CACNG3: variants seen among roughly 807,000 people sequenced by gnomAD.
The protein encoded by CACNG3 is calcium voltage-gated channel auxiliary subunit gamma 3.
A neutral mutation model predicts 28.5 loss-of-function variants in CACNG3; 3 were observed. The observed-to-expected ratio is 0.11, with a 90% CI of 0.05 to 0.27. The LOEUF is 0.27. Among genes scored for constraint, CACNG3 ranks in the 10% least tolerant of loss-of-function variants. The probability of loss-of-function intolerance (pLI) is 1.00; values close to 1 mark genes in which losing one functional copy is unlikely to be tolerated. For synonymous variants in CACNG3, 174 were observed against 162.2 expected, an observed-to-expected ratio of 1.07 and a Z score of -0.55; for missense variants, 236 against 414.4, an observed-to-expected ratio of 0.57 and a Z score of 3.74.
At chr16:24,260,290 T>C (rs1898520797) in intron 1 of CACNG3, among the ~76,000 whole-genome samples, 1 of 152,168 alleles carries the variant, frequency 6.6e-6, no homozygotes, top group African/African-American at 2.4e-5. Flanking sequence ...AATCACTTTT[T>C]CAACCCTTAA....
At chr16:24,277,055 T>C (rs1296158009) in intron 1 of CACNG3, among the ~76,000 whole-genome samples, 1 of 152,180 alleles carries the variant, frequency 6.6e-6, no homozygotes, top group African/African-American at 2.4e-5. Flanking sequence ...TTCTTGGAAA[T>C]GGAGAAATGG....
At chr16:24,315,406 A>G (rs1305120857) in intron 1 of CACNG3, among the ~76,000 whole-genome samples, 1 of 149,686 alleles carries the variant, frequency 6.7e-6, no homozygotes, top group Non-Finnish European at 1.5e-5. Flanking sequence ...CCTCAACCTC[A>G]CCATCATCAT....
intron 1 of CACNG3, among the ~76,000 whole-genome samples, chr16:24,316,595 G>C (rs181490982): frequency 7.2e-5 from 11 of 152,244 alleles, no homozygotes; most frequent in African/African-American, 2.6e-4. Flanking sequence ...GTGGCTTCCC[G>C]GTGCTCTGGG....
intron 1 of CACNG3, among the ~76,000 whole-genome samples, chr16:24,276,531 G>A (rs545291757): frequency 3.9e-5 from 6 of 152,306 alleles, no homozygotes; most frequent in Non-Finnish European, 7.4e-5. Context: ...ACTTTCATCA[G>A]AAGATTTCCT....
chr16:24,344,410 G>GAA (rs11397837), intron 1 of CACNG3, among the ~76,000 whole-genome samples: 90 of 146,308 alleles, frequency 6.2e-4, no homozygotes, highest in African/African-American at 1.3e-3. Flanking sequence ...CTCAGTCTCA[G>GAA]AAAAAAAAAA....
chr16:24,262,243 C>A (rs1181907654), intron 1 of CACNG3, among the ~76,000 whole-genome samples: 3 of 152,148 alleles, frequency 2.0e-5, no homozygotes, highest in Non-Finnish European at 2.9e-5. Flanking sequence ...GACCTTCTCC[C>A]AGTTCCTTTT....
intron 1 of CACNG3, among the ~76,000 whole-genome samples, chr16:24,286,122 A>G (rs1898890621): frequency 6.6e-6 from 1 of 152,104 alleles, no homozygotes; most frequent in Admixed American, 6.5e-5. Context: ...ATAATGTTCC[A>G]TAGAATAGAA....
intron 1 of CACNG3, among the ~76,000 whole-genome samples, chr16:24,307,278 T>C (rs1899198424): frequency 6.6e-6 from 1 of 152,100 alleles, no homozygotes. Context: ...CACACCACCA[T>C]ACCCAGCTAA....
chr16:24,315,201 G>A (rs986758550), intron 1 of CACNG3, among the ~76,000 whole-genome samples: 4 of 152,100 alleles, frequency 2.6e-5, no homozygotes, highest in Admixed American at 2.6e-4. Flanking sequence ...CCTGAGGGCC[G>A]GGCCATAGTG....
intron 1 of CACNG3, among the ~76,000 whole-genome samples, chr16:24,330,535 T>TG (rs1287958536): frequency 1.3e-5 from 2 of 152,236 alleles, no homozygotes; most frequent in African/African-American, 4.8e-5. Flanking sequence ...TGCATCAGAA[T>TG]CTTGGAGAAA....
chr16:24,338,072 G>A (rs533337809), intron 1 of CACNG3, among the ~76,000 whole-genome samples: 109 of 152,056 alleles, frequency 7.2e-4, no homozygotes, highest in Non-Finnish European at 5.9e-4. Flanking sequence ...TGAAACCACC[G>A]CAATAGGCCT....
At chr16:24,271,363 TC>T (rs1266566460) in intron 1 of CACNG3, among the ~76,000 whole-genome samples, 2 of 152,250 alleles carry the variant, frequency 1.3e-5, no homozygotes, top group Admixed American at 6.5e-5. Flanking sequence ...TTTCAGTATT[TC>T]ATTTCTCATT....
At chr16:24,265,872 G>A (rs1337485683) in intron 1 of CACNG3, among the ~76,000 whole-genome samples, 1 of 151,992 alleles carries the variant, frequency 6.6e-6, no homozygotes, top group Admixed American at 6.5e-5. Context: ...TTACTATCTT[G>A]CCTTTTCCAG....
At chr16:24,329,829 G>A (rs1204994570) in intron 1 of CACNG3, among the ~76,000 whole-genome samples, 3 of 152,198 alleles carry the variant, frequency 2.0e-5, no homozygotes, top group Admixed American at 6.5e-5. Flanking sequence ...GAGGTCAGGA[G>A]TTTGAGACCA....
chr16:24,327,096 T>A (rs1387165698), intron 1 of CACNG3, among the ~76,000 whole-genome samples: 3 of 113,228 alleles, frequency 2.6e-5, no homozygotes, highest in African/African-American at 3.6e-5. Context: ...CCTAAGTCTC[T>A]AAGGAGTGGC....
At chr16:24,304,342 A>ACATTT (rs1322511236) in intron 1 of CACNG3, among the ~76,000 whole-genome samples, 2 of 152,166 alleles carry the variant, frequency 1.3e-5, no homozygotes, top group African/African-American at 4.8e-5. Context: ...AGTGCTTAGA[A>ACATTT]CATTTCATTT....
At chr16:24,356,655 T>C (rs1900036910) in intron 3 of CACNG3, among the ~76,000 whole-genome samples, 4 of 152,108 alleles carry the variant, frequency 2.6e-5, no homozygotes, top group Admixed American at 2.0e-4. Context: ...TCAGTCATGA[T>C]CACACCACTG....
chr16:24,347,248 A>T (rs1462930031), intron 2 of CACNG3, among the ~76,000 whole-genome samples: 1 of 151,956 alleles, frequency 6.6e-6, no homozygotes, highest in Non-Finnish European at 1.5e-5. Flanking sequence ...AGCCCAGGGG[A>T]TTGAGGCTGC....
intron 1 of CACNG3, among the ~76,000 whole-genome samples, chr16:24,341,178 A>G (rs1049331419): frequency 5.3e-5 from 8 of 152,194 alleles, no homozygotes; most frequent in African/African-American, 1.7e-4. Flanking sequence ...AGCACAGGGG[A>G]AAAAAAGCCT....
Sources: gnomAD v4.1 joint callset for allele counts (sites outside exome capture counted in the v4.1 genomes callset) on GRCh38, gnomAD v4.1.1 for gene constraint, MANE v1.5 for transcripts, NCBI Gene and HGNC (gene_info 2026-07-23, HGNC 2026-07-21) for gene names.